The following ENTPD6 variants were observed in gnomAD, a reference collection of about 807,000 sequenced individuals.
ENTPD6 encodes the protein CD39 antigen-like 2.
A neutral mutation model predicts 61.5 loss-of-function variants in ENTPD6; 46 were observed. The observed-to-expected ratio is 0.75, with a 90% CI of 0.59 to 0.96. The LOEUF is 0.96. Ranked by LOEUF, ENTPD6 falls within the 40% of genes least tolerant of loss-of-function variation. ENTPD6 has a pLI of 0.00. For missense variants in ENTPD6, 612 were observed against 629.0 expected, an observed-to-expected ratio of 0.97 and a Z score of 0.29; for synonymous variants, 252 against 255.5, an observed-to-expected ratio of 0.99 and a Z score of 0.13.
chr20:25,208,243 T>A (rs537002515), intron 3 of ENTPD6, among the ~76,000 whole-genome samples: 8 of 152,358 alleles, frequency 5.3e-5, no homozygotes, highest in African/African-American at 1.7e-4. Context: ...TGACTCCATC[T>A]GCGTTATTTT....
Position 25,222,931 on chromosome 20 carries a change from A to G in ENTPD6, c.1139A>G (p.Tyr380Cys), listed in dbSNP as rs371050405. The G allele has an allele frequency of 7.5e-6, 12 of 1,595,052 alleles. No homozygotes were observed. The African/African-American group carries it at 8.1e-5, about 11-fold the overall frequency. Residue 380 changes from tyrosine (Y) to cysteine (C), a missense_variant, in exon 12 of 15, where the codon TAT (tyrosine) becomes TGT (cysteine). Coordinates refer to ENST00000376652, the MANE Select transcript of ENTPD6 (RefSeq NM_001247.5). ...RTEEVKHVDF[Y>C]AFSYYYDLAA... Reference sequence around the variant, plus strand: ...GAGGAAGTGAAGCATGTGGACTTCTATGCTTTCTCCTACTATTACGACCTT... The same window carrying G: ...GAGGAAGTGAAGCATGTGGACTTCTGTGCTTTCTCCTACTATTACGACCTT...
At chr20:25,218,639 C>A in intron 10 of ENTPD6, 25 bp downstream of exon 10, 1 of 1,579,978 alleles carries the variant, frequency 6.3e-7, no homozygotes, top group Non-Finnish European at 8.6e-7. Context: ...TGCCCCGGGC[C>A]CACTTTCACA....
chr20:25,206,948 C>T, intron 2 of ENTPD6, 128 bp from the exon 3 acceptor site: 1 of 820,054 alleles, frequency 1.2e-6, no homozygotes, highest in Non-Finnish European at 1.9e-6. Flanking sequence ...AATGAAGCTT[C>T]TGATTCCTGG....
intron 2 of ENTPD6, 138 bp downstream of exon 2, chr20:25,206,728 A>G: frequency 1.4e-6 from 1 of 735,330 alleles, no homozygotes; most frequent in Admixed American, 2.2e-5. Context: ...ACAGTTTGGG[A>G]ACACCATTTA....
At chr20:25,196,280 CT>C (rs1371357162) in intron 1 of ENTPD6, 7 of 1,012,492 alleles carry the variant, frequency 6.9e-6, no homozygotes, top group Non-Finnish European at 7.1e-6. Context: ...TCGGACAGGA[CT>C]GAGGGTGTAA....
At chr20:25,202,535 G>A (rs74570745) in intron 1 of ENTPD6, among the ~76,000 whole-genome samples, 100 of 152,004 alleles carry the variant, frequency 6.6e-4, no homozygotes, top group African/African-American at 1.6e-3. Context: ...AGTTCCTTTT[G>A]TGTATATGCT....
chr20:25,209,042 G>A (rs1018788286), intron 3 of ENTPD6, among the ~76,000 whole-genome samples: 1 of 151,468 alleles, frequency 6.6e-6, no homozygotes, highest in East Asian at 1.9e-4. Context: ...TCAGCCTCCT[G>A]AGTAGCTGGG....
chr20:25,195,939 G>A, intron 1 of ENTPD6, 72 bp downstream of exon 1: 1 of 1,163,448 alleles, frequency 8.6e-7, no homozygotes, highest in Non-Finnish European at 1.1e-6. Flanking sequence ...CCCCCACGCG[G>A]GCGCGCTGCG....
chr20:25,215,088 C>T lies in ENTPD6; in HGVS notation c.673+146C>T, dbSNP rs1434452581. Reference sequence around the variant, plus strand: ...CCGATGCTCAAGTAAAGAATCATGGCTGTTACAGCCCCGTTCTGATTCACA... The same window carrying T: ...CCGATGCTCAAGTAAAGAATCATGGTTGTTACAGCCCCGTTCTGATTCACA... On this transcript the variant is annotated intron_variant, in intron 6 of 14. Coordinates refer to ENST00000376652, the MANE Select transcript of ENTPD6 (RefSeq NM_001247.5). 4 of 619,474 alleles carry T rather than the reference C, an allele frequency of 6.5e-6. No homozygotes were observed. In the African/African-American group the frequency reaches 7.3e-5, roughly 11 times the overall value. The allele number at this position is 619,474 out of a possible 1,614,324, so 38.4% of individuals were successfully genotyped here. A position where few individuals can be genotyped will look rare whatever the true frequency, so the allele number is the denominator to read the frequency against.
In ENTPD6 at chr20:25,207,174, G is replaced by A; in HGVS notation, c.153G>A (p.Val51=). 1.2e-6 allele frequency: 2 copies of A among 1,614,120 alleles called. No individual in the cohort carries two copies. Among genetic ancestry groups the A allele is most frequent in the Admixed American group, 1.7e-5 (1 of 60,024 alleles). ...TGGCATACCCCCTGGGGCTGTGTGT[G>A]GGCGTGTTCATCTATGTTGCCTACA... ...AKVAYPLGLC[V]GVFIYVAYIK... Residue 51 remains valine (V), a synonymous_variant, in exon 3 of 15, where the codon GTG becomes GTA. Transcript: ENST00000376652.
intron 1 of ENTPD6, among the ~76,000 whole-genome samples, chr20:25,203,993 C>T (rs778314677): frequency 3.9e-5 from 6 of 152,180 alleles, no homozygotes; most frequent in Non-Finnish European, 7.3e-5. Context: ...TTCCCTGGGC[C>T]TGTGTATGTG....
chr20:25,218,502 C>G, intron 9 of ENTPD6, 48 bp from the exon 10 acceptor site: 1 of 1,558,312 alleles, frequency 6.4e-7, no homozygotes, highest in Non-Finnish European at 8.7e-7. Flanking sequence ...CCTGCCATGA[C>G]CTGTACCTGC....
At chr20:25,200,656 T>A (rs2090958369) in intron 1 of ENTPD6, among the ~76,000 whole-genome samples, 1 of 152,230 alleles carries the variant, frequency 6.6e-6, no homozygotes, top group Non-Finnish European at 1.5e-5. Flanking sequence ...CATTCCAGAT[T>A]ACAGCTATTT....
intron 9 of ENTPD6, among the ~76,000 whole-genome samples, chr20:25,218,255 G>A (rs2123168976): frequency 6.6e-6 from 1 of 152,356 alleles, no homozygotes; most frequent in East Asian, 1.9e-4. Context: ...GCAGTCTTCA[G>A]TCGATTCTTG....
chr20:25,195,828 G>C lies in ENTPD6; in HGVS notation c.-55G>C, dbSNP rs995798100. 3 of 1,240,202 alleles carry C rather than the reference G, an allele frequency of 2.4e-6. No individual in the cohort carries two copies. In the African/African-American group the frequency reaches 4.7e-5, roughly 19 times the overall value. 76.8% of individuals were successfully genotyped at this position (1,240,202 alleles called of 1,614,324 possible). ...GCTGCCGCCTGCTCCCCGGAAAAGG[G>C]CACTCGTCTCCGTGGGTGTGGCGGA... On this transcript the variant is annotated 5_prime_UTR_variant, in exon 1 of 15. Transcript: ENST00000376652.
At chr20:25,196,581 C>T (rs2090444709) in intron 1 of ENTPD6, among the ~76,000 whole-genome samples, 2 of 152,196 alleles carry the variant, frequency 1.3e-5, no homozygotes, top group Non-Finnish European at 1.5e-5. Flanking sequence ...AGTGCCTGGG[C>T]AGCTCTGGGT....
chr20:25,217,725 C>G, intron 9 of ENTPD6, 144 bp downstream of exon 9: 2 of 696,370 alleles, frequency 2.9e-6, no homozygotes, highest in South Asian at 1.7e-5. Flanking sequence ...TCTCCTCCTC[C>G]TCCTTCTCCC....
At chr20:25,205,826 C>T (rs1046546147) in intron 1 of ENTPD6, among the ~76,000 whole-genome samples, 2 of 152,178 alleles carry the variant, frequency 1.3e-5, no homozygotes, top group Non-Finnish European at 2.9e-5. Context: ...TGGCCACAGG[C>T]GGGACCTCAG....
chr20:25,216,805 G>A lies in ENTPD6; in HGVS notation c.798+69G>A, dbSNP rs563334997. The A allele has an allele frequency of 3.6e-4, 471 of 1,305,510 alleles. 3 individuals carry two copies. In the South Asian group the frequency reaches 5.4e-3, roughly 15 times the overall value. 80.9% of individuals were successfully genotyped at this position (1,305,510 alleles called of 1,614,324 possible). A position where few individuals can be genotyped will look rare whatever the true frequency, so the allele number is the denominator to read the frequency against. On this transcript the variant is annotated intron_variant, in intron 8 of 14. Transcript: ENST00000376652. ...CACACCGCCATGGGGGTGCAGGGTG[G>A]GGCCTGCTGAGGTGCTGCGGGGTGG... is the stretch of plus-strand genomic sequence containing the variant.
Sources: allele counts gnomAD v4.1 joint callset (sites outside exome capture counted in the v4.1 genomes callset), GRCh38; gene constraint gnomAD v4.1.1; transcripts MANE v1.5; gene names NCBI Gene and HGNC (gene_info 2026-07-23, HGNC 2026-07-21).